The following PRDM5 variants were observed in gnomAD, a reference collection of about 807,000 sequenced individuals.
PRDM5 encodes the protein PR domain zinc finger protein 5.
A neutral mutation model predicts 81.2 loss-of-function variants in PRDM5; 56 were observed. The observed-to-expected ratio is 0.69, with a 90% confidence interval of 0.56 to 0.86. The LOEUF (loss-of-function observed/expected upper bound fraction) is 0.86. Among genes scored for constraint, PRDM5 ranks in the 40% least tolerant of loss-of-function variants. The pLI is 0.00. For missense variants in PRDM5, 697 were observed against 770.1 expected, an observed-to-expected ratio of 0.91 and a Z score of 1.12; for synonymous variants, 267 against 256.4, an observed-to-expected ratio of 1.04 and a Z score of -0.39.
chr4:120,764,386 C>T (rs1281676387), intron 13 of PRDM5, among the ~76,000 whole-genome samples: 1 of 152,114 alleles, frequency 6.6e-6, no homozygotes, highest in African/African-American at 2.4e-5. Context: ...TCACTCTGTG[C>T]CCCTTAATCC....
At chr4:120,707,521 T>C (rs1198286130) in intron 15 of PRDM5, among the ~76,000 whole-genome samples, 1 of 151,466 alleles carries the variant, frequency 6.6e-6, no homozygotes, top group Non-Finnish European at 1.5e-5. Context: ...CCTTTCCTTA[T>C]ACCATATATA....
chr4:120,721,530 C>T (rs1338548897), intron 14 of PRDM5, among the ~76,000 whole-genome samples: 1 of 152,180 alleles, frequency 6.6e-6, no homozygotes, highest in Admixed American at 6.5e-5. Flanking sequence ...TCTACTACTA[C>T]TATTATACTC....
At chr4:120,777,382 C>T in intron 12 of PRDM5, 101 bp from the exon 13 acceptor site, 2 of 1,543,290 alleles carry the variant, frequency 1.3e-6, no homozygotes. Context: ...TGTAGGATTA[C>T]ATTTCATTAA....
chr4:120,709,763 T>A (rs1449865896), intron 15 of PRDM5, among the ~76,000 whole-genome samples: 6 of 152,182 alleles, frequency 3.9e-5, no homozygotes, highest in Non-Finnish European at 4.4e-5. Context: ...AACAGTAGTA[T>A]TTTTTTCCTT....
chr4:120,885,150 A>AAAAAAAAAAT (rs1763288142), intron 2 of PRDM5, among the ~76,000 whole-genome samples: 1 of 144,406 alleles, frequency 6.9e-6, no homozygotes, highest in Non-Finnish European at 1.5e-5. Flanking sequence ...AAAAAAAAAA[A>AAAAAAAAAAT]AAAAAAGTAA....
At chr4:120,781,428 T>A (rs1480079452) in intron 11 of PRDM5, 125 bp from the exon 12 acceptor site, 1 of 847,112 alleles carries the variant, frequency 1.2e-6, no homozygotes, top group Non-Finnish European at 1.9e-6. Context: ...GTTAACTTTT[T>A]ATTTTTTACA....
chr4:120,708,876 G>A (rs1331369483), intron 15 of PRDM5, among the ~76,000 whole-genome samples: 2 of 152,066 alleles, frequency 1.3e-5, no homozygotes, highest in Non-Finnish European at 2.9e-5. Context: ...CAAGATTTTG[G>A]AGCAAAGACA....
chr4:120,755,939 C>A (rs1197617488), intron 13 of PRDM5, among the ~76,000 whole-genome samples: 1 of 152,136 alleles, frequency 6.6e-6, no homozygotes, highest in African/African-American at 2.4e-5. Context: ...GACAAACACC[C>A]AAAGTAGCAA....
At chr4:120,799,848 C>A in intron 8 of PRDM5, 103 bp from the exon 9 acceptor site, 1 of 1,524,244 alleles carries the variant, frequency 6.6e-7, no homozygotes, top group Non-Finnish European at 8.8e-7. Flanking sequence ...CACTGCAATA[C>A]CCAAACTATA....
chr4:120,749,969 C>T (rs1743734256), intron 14 of PRDM5, among the ~76,000 whole-genome samples: 1 of 152,212 alleles, frequency 6.6e-6, no homozygotes, highest in Non-Finnish European at 1.5e-5. Context: ...CATCCACCCT[C>T]TAGGCCTGTG....
At chr4:120,884,502 T>C (rs577346785) in intron 2 of PRDM5, among the ~76,000 whole-genome samples, 1 of 152,346 alleles carries the variant, frequency 6.6e-6, no homozygotes, top group South Asian at 2.1e-4. Context: ...TCAAAACATT[T>C]GTATAACATA....
intron 8 of PRDM5, among the ~76,000 whole-genome samples, chr4:120,805,532 C>A (rs533905603): frequency 1.4e-3 from 207 of 152,280 alleles, no homozygotes; most frequent in African/African-American, 4.7e-3. Flanking sequence ...TCCTGGGATG[C>A]AAGTCTGGTT....
chr4:120,750,608 C>T (rs1743843487), intron 14 of PRDM5, among the ~76,000 whole-genome samples: 1 of 152,000 alleles, frequency 6.6e-6, no homozygotes, highest in African/African-American at 2.4e-5. Flanking sequence ...CATTAACGGC[C>T]TAGCAGAAGA....
rs59248453 is a variant in PRDM5, at chr4:120,734,523, T to C, written c.1623+20030A>G. Among the ~76,000 whole-genome samples, 9 of 152,244 alleles carry C rather than the reference T, an allele frequency of 5.9e-5. No homozygotes were observed. The South Asian group carries it at 8.3e-4, about 14-fold the overall frequency. ...TATAAGAAATGCCTTTATTGCTGGA[T>C]TTCTCAGAATCTGGAATATGGTTAT... On this transcript the variant is annotated intron_variant, in intron 14 of 15. Transcript: ENST00000264808.
intron 5 of PRDM5, among the ~76,000 whole-genome samples, chr4:120,817,440 T>C (rs1039901682): frequency 2.0e-5 from 3 of 152,120 alleles, no homozygotes; most frequent in African/African-American, 7.2e-5. Context: ...TTCTTGCTCA[T>C]AAGTAAGGTA....
chr4:120,843,377 C>T (rs538938249), intron 3 of PRDM5, among the ~76,000 whole-genome samples: 1 of 151,826 alleles, frequency 6.6e-6, no homozygotes, highest in East Asian at 1.9e-4. Context: ...TGCCAATGTC[C>T]TGCACAAGAC....
chr4:120,899,279 T>C (rs1764985720), intron 2 of PRDM5, among the ~76,000 whole-genome samples: 1 of 152,162 alleles, frequency 6.6e-6, no homozygotes. Context: ...ATGTGCCTTC[T>C]ACACAGGCTG....
rs1160978445 is a variant in PRDM5 at position 120,907,573 on chromosome 4, T to C, written c.94-16A>G. The C allele has an allele frequency of 1.9e-6, 3 of 1,578,552 alleles. No homozygotes were observed. In the Admixed American group the frequency reaches 5.0e-5, roughly 26 times the overall value. ...ACTTTTCACCCTGAGTAGCAATGATTATATTGAACAAGGATTAGTACAATA... is the reference window on the plus strand; with the variant it reads ...ACTTTTCACCCTGAGTAGCAATGATCATATTGAACAAGGATTAGTACAATA... On this transcript the variant is annotated splice_polypyrimidine_tract_variant and intron_variant, in intron 1 of 15. Transcript: ENST00000264808.
At chr4:120,710,799 G>A (rs1736855406) in intron 14 of PRDM5, among the ~76,000 whole-genome samples, 1 of 152,136 alleles carries the variant, frequency 6.6e-6, no homozygotes, top group Non-Finnish European at 1.5e-5. Context: ...TAAGTTTCCT[G>A]AGCTCTCCCC....
Sources: allele counts gnomAD v4.1 joint callset (sites outside exome capture counted in the v4.1 genomes callset), GRCh38; gene constraint gnomAD v4.1.1; transcripts MANE v1.5; gene names NCBI Gene and HGNC (gene_info 2026-07-23, HGNC 2026-07-21).